The following C5 variants were observed in gnomAD, a reference collection of about 807,000 sequenced individuals.
C5 encodes C3 and PZP-like alpha-2-macroglobulin domain-containing protein 4.
C5 carries 140 observed loss-of-function variants against 218.8 expected under a neutral mutation model. The observed-to-expected ratio is 0.64, with a 90% CI of 0.56 to 0.74. The LOEUF is 0.74. C5 is among the 30% of genes least tolerant of loss of function. The pLI, the probability that C5 is intolerant of heterozygous loss-of-function variation, is 0.00. For synonymous variants in C5, 614 were observed against 682.3 expected (o/e 0.90, Z 1.56); for missense variants, 1,700 against 1,969.6 (o/e 0.86, Z 2.59).
At chr9:121,034,933 A>G (rs1474910155) in intron 4 of C5, 39 bp from the exon 5 acceptor site, 1 of 1,029,412 alleles carries the variant, frequency 9.7e-7, no homozygotes, top group Non-Finnish European at 1.5e-6. Flanking sequence ...GCCAGAAACT[A>G]CATTTTAAAA....
chr9:121,036,682 A>C (rs372315593), intron 4 of C5, among the ~76,000 whole-genome samples: 1 of 151,868 alleles, frequency 6.6e-6, no homozygotes, highest in East Asian at 1.9e-4. Context: ...TTAACACCCA[A>C]CTCAGGGTTC....
intron 22 of C5, among the ~76,000 whole-genome samples, chr9:120,994,247 C>A (rs1195339477): frequency 6.6e-6 from 1 of 151,712 alleles, no homozygotes; most frequent in East Asian, 1.9e-4. Context: ...TTTAACTGAA[C>A]CCTGTAAAGT....
chr9:120,958,944 G>A (rs548687869), intron 38 of C5, among the ~76,000 whole-genome samples: 3 of 151,968 alleles, frequency 2.0e-5, no homozygotes, highest in Non-Finnish European at 2.9e-5. Context: ...AGCCATCAAC[G>A]CACAGCTAAT....
chr9:121,056,276 G>A, the C5 span, among the ~76,000 whole-genome samples: 4 of 152,190 alleles, frequency 2.6e-5, no homozygotes, highest in South Asian at 2.1e-4. Context: ...ACCATTGACC[G>A]ATCCTGGAGT....
intron 10 of C5, 117 bp downstream of exon 10, chr9:121,023,287 A>C: frequency 2.6e-6 from 2 of 777,946 alleles, no homozygotes; most frequent in East Asian, 5.0e-5. Flanking sequence ...GTTTCACAGA[A>C]TAAGCTCCCT....
intron 1 of C5, among the ~76,000 whole-genome samples, chr9:121,047,728 A>G (rs1201310227): frequency 6.6e-6 from 1 of 152,208 alleles, no homozygotes; most frequent in African/African-American, 2.4e-5. Context: ...CCTGCATTAC[A>G]ATTAATTTGG....
chr9:121,006,907 T>C lies in C5; in HGVS notation c.2419A>G (p.Thr807Ala), dbSNP rs200269065. 2 of 1,596,106 alleles carry C rather than the reference T, an allele frequency of 1.3e-6. No homozygotes were observed. Residue 807 changes from threonine to alanine, a missense_variant, in exon 19 of 41, where the codon ACT becomes GCT. Thr to Ala is a moderately conservative substitution (Grantham distance 58). Coordinates refer to ENST00000223642, the MANE Select transcript of C5 (RefSeq NM_001735.3). ...TATATCACTTAAACCTGCTTACCAG[T>C]GTTTGAAATGCCAACGCCTTGAATT... is the stretch of plus-strand genomic sequence containing the variant. Reference protein sequence around the residue: ...WEIQGVGISNTGICVADTVKA... With the variant: ...WEIQGVGISNAGICVADTVKA...
intron 40 of C5, 65 bp downstream of exon 40, chr9:120,953,665 T>A (rs2046763699): frequency 6.6e-7 from 1 of 1,507,230 alleles, no homozygotes. Context: ...ACGTAGTGTA[T>A]TTAAGAATAA....
rs563554052 is a variant in C5 at position 120,970,257 on chromosome 9, T to C, written c.4081-6A>G. 2.5e-5 allele frequency: 40 copies of C among 1,597,882 alleles called. No individual in the cohort carries two copies. The highest frequency in any genetic ancestry group is 4.5e-5 in the East Asian group (2 of 44,802). ...TTGTGAACTACAGTTGTTACCTACA[T>C]TGGGGACAAGTAAGCAAGAAGATTC... On this transcript the variant is annotated splice_polypyrimidine_tract_variant and splice_region_variant and intron_variant, in intron 31 of 40. Transcript: ENST00000223642.
intron 36 of C5, 110 bp from the exon 37 acceptor site, chr9:120,961,675 T>C (rs1478328991): frequency 2.6e-6 from 2 of 755,580 alleles, no homozygotes; most frequent in African/African-American, 1.7e-5. Context: ...TTTTAAACCC[T>C]TCTTTTTATA....
At chr9:120,966,886 T>C (rs928651516) in intron 33 of C5, among the ~76,000 whole-genome samples, 2 of 152,074 alleles carry the variant, frequency 1.3e-5, no homozygotes, top group African/African-American at 4.8e-5. Context: ...TAGAGAAGAC[T>C]GGGAAACAGC....
chr9:120,970,045 T>G, intron 32 of C5, 125 bp downstream of exon 32: 1 of 702,950 alleles, frequency 1.4e-6, no homozygotes, highest in Non-Finnish European at 2.6e-6. Flanking sequence ...GTCAACCTGC[T>G]AAAGTATTTG....
chr9:121,021,765 T>C (rs1490258859), intron 10 of C5, 71 bp from the exon 11 acceptor site: 12 of 1,306,980 alleles, frequency 9.2e-6, no homozygotes, highest in Non-Finnish European at 1.3e-5. Context: ...TCTGAAATAA[T>C]TTTCCTTCCT....
At chr9:120,997,825 CAG>C (rs757756297) in intron 20 of C5, 51 bp from the exon 21 acceptor site, 12 of 1,511,804 alleles carry the variant, frequency 7.9e-6, no homozygotes, top group African/African-American at 4.2e-5. Context: ...TTTTTTGAGA[CAG>C]AGTCTTGCTA....
chr9:120,982,009 C>T (rs1415036835), intron 26 of C5, 70 bp from the exon 27 acceptor site: 4 of 1,041,814 alleles, frequency 3.8e-6, no homozygotes, highest in Non-Finnish European at 6.0e-6. Context: ...TGATTCTACT[C>T]TGTTTTTTGT....
the C5 span, among the ~76,000 whole-genome samples, chr9:121,058,047 C>A: frequency 6.6e-6 from 1 of 152,170 alleles, no homozygotes; most frequent in Non-Finnish European, 1.5e-5. Context: ...CTCAATAAGA[C>A]CTGTAAACTC....
At chr9:120,985,476 C>G (rs77600775) in intron 25 of C5, among the ~76,000 whole-genome samples, 4,704 of 152,204 alleles carry the variant, frequency 0.031, 246 homozygotes, top group African/African-American at 0.11. Context: ...AACTCTCACA[C>G]ATGTGCACAA....
chr9:120,952,654 T>A lies in C5; in HGVS notation c.*85A>T. The stretch of plus-strand genomic sequence containing the variant: ...TTACAAATAAGACCAGCTATGAATG[T>A]TTAAAAAAAGAAGAAAACAAAAAAA... On this transcript the variant is annotated 3_prime_UTR_variant, in exon 41 of 41. Coordinates refer to ENST00000223642, the MANE Select transcript of C5 (RefSeq NM_001735.3). 5 of 1,405,962 alleles carry A rather than the reference T, an allele frequency of 3.6e-6. No homozygotes were observed. The highest frequency in any genetic ancestry group is 5.0e-6 in the Non-Finnish European group (5 of 1,003,442). 87.1% of individuals were successfully genotyped at this position (1,405,962 alleles called of 1,614,324 possible).
chr9:121,070,841 A>G, the C5 span, among the ~76,000 whole-genome samples: 407 of 152,302 alleles, frequency 2.7e-3, 2 homozygotes, highest in Non-Finnish European at 4.7e-3. Flanking sequence ...ATAGTTAACA[A>G]TAATATATTA....
Sources: allele counts gnomAD v4.1 joint callset (sites outside exome capture counted in the v4.1 genomes callset), GRCh38; gene constraint gnomAD v4.1.1; transcripts MANE v1.5; gene names NCBI Gene and HGNC (gene_info 2026-07-23, HGNC 2026-07-21).